CADM2: variants seen among roughly 807,000 people sequenced by gnomAD.
CADM2 encodes immunoglobulin superfamily member 4D.
CADM2 carries 12 observed loss-of-function variants against 49.8 expected under a neutral mutation model. That is an observed-to-expected ratio of 0.24 (90% CI 0.15 to 0.39). The LOEUF (loss-of-function observed/expected upper bound fraction) is 0.39, where lower values mean the gene tolerates loss of function less well. CADM2 is among the 10% of genes least tolerant of loss of function. The pLI, the probability that CADM2 is intolerant of heterozygous loss-of-function variation, is 1.00. For synonymous variants in CADM2, 214 were observed against 175.4 expected (o/e 1.22, Z -1.74); for missense variants, 378 against 492.3 (o/e 0.77, Z 2.20).
chr3:85,657,299 A>G (rs1430699322), intron 1 of CADM2, among the ~76,000 whole-genome samples: 1 of 152,182 alleles, frequency 6.6e-6, no homozygotes, highest in African/African-American at 2.4e-5. Context: ...TGTTGATTAC[A>G]TGAAGTAATA....
intron 3 of CADM2, among the ~76,000 whole-genome samples, chr3:85,881,969 G>C (rs1712859058): frequency 2.0e-5 from 3 of 152,142 alleles, no homozygotes; most frequent in African/African-American, 7.2e-5. Flanking sequence ...CTGCTGATCT[G>C]ACAGGAGGCA....
chr3:85,415,084 G>A (rs547096346), intron 1 of CADM2, among the ~76,000 whole-genome samples: 1 of 152,264 alleles, frequency 6.6e-6, no homozygotes, highest in African/African-American at 2.4e-5. Context: ...CTAAACCGCT[G>A]AGACTTTGCT....
chr3:85,561,406 C>T (rs1290517126), intron 1 of CADM2, among the ~76,000 whole-genome samples: 1 of 152,054 alleles, frequency 6.6e-6, no homozygotes, highest in Non-Finnish European at 1.5e-5. Flanking sequence ...TTTTGGATTC[C>T]TTGGAATAAA....
chr3:85,824,499 C>T (rs2073794129), intron 3 of CADM2, among the ~76,000 whole-genome samples: 1 of 151,958 alleles, frequency 6.6e-6, no homozygotes, highest in Admixed American at 6.6e-5. Context: ...ACTCTTTTGT[C>T]ACTGGGAGGT....
At chr3:86,057,236 T>G (rs1288581935) in intron 8 of CADM2, among the ~76,000 whole-genome samples, 2 of 152,198 alleles carry the variant, frequency 1.3e-5, no homozygotes, top group Non-Finnish European at 2.9e-5. Flanking sequence ...CCACAAGTTA[T>G]GTATAACTGT....
At position 85,240,477 on chromosome 3, in the gene CADM2, T is replaced by C. The variant is rs577435305; in HGVS notation, c.61+280809T>C. ...AATTAGACCAACATCAACAACATAT[T>C]CAATCATAATATATTATCAGACTAG... is the stretch of plus-strand genomic sequence containing the variant. On this transcript the variant is annotated intron_variant, in intron 1 of 9. Transcript: ENST00000383699. 7.9e-5 allele frequency among the ~76,000 whole-genome samples: 12 copies of C among 151,648 alleles called. No individual in the cohort carries two copies. In the East Asian group the frequency reaches 2.3e-3, roughly 29 times the overall value.
chr3:85,067,330 A>G (rs1169011561), intron 1 of CADM2, among the ~76,000 whole-genome samples: 1 of 151,936 alleles, frequency 6.6e-6, no homozygotes, highest in Admixed American at 6.6e-5. Flanking sequence ...AAGGCATTCT[A>G]AAGCTGTACT....
At chr3:85,430,360 T>C (rs2036603295) in intron 1 of CADM2, among the ~76,000 whole-genome samples, 1 of 151,958 alleles carries the variant, frequency 6.6e-6, no homozygotes, top group Non-Finnish European at 1.5e-5. Flanking sequence ...TATTGACTCA[T>C]GAAAGGAGGC....
intron 1 of CADM2, among the ~76,000 whole-genome samples, chr3:85,102,403 G>A (rs1370846816): frequency 6.6e-6 from 1 of 152,124 alleles, no homozygotes; most frequent in Non-Finnish European, 1.5e-5. Flanking sequence ...CAAGCACAGA[G>A]AGTATAGAAA....
chr3:85,410,699 C>A (rs2035617213), intron 1 of CADM2, among the ~76,000 whole-genome samples: 1 of 152,080 alleles, frequency 6.6e-6, no homozygotes, highest in African/African-American at 2.4e-5. Flanking sequence ...TGGCTAAAGG[C>A]AATTTGGAGT....
chr3:85,823,674 A>G (rs1193419726), intron 3 of CADM2, among the ~76,000 whole-genome samples: 1 of 152,172 alleles, frequency 6.6e-6, no homozygotes, highest in Non-Finnish European at 1.5e-5. Context: ...TTAATTTACG[A>G]GAGCTATTAA....
chr3:85,769,543 ATATACATATATGTATATATACACG>A (rs879316578), intron 2 of CADM2, among the ~76,000 whole-genome samples: 22,542 of 112,900 alleles, frequency 0.2, 5,598 homozygotes, highest in Non-Finnish European at 0.23. Flanking sequence ...ATATACACGT[ATATACATATATGTATATATACACG>A]TATATACATA....
chr3:85,974,929 T>C (rs1030525682), intron 8 of CADM2, among the ~76,000 whole-genome samples: 6 of 151,618 alleles, frequency 4.0e-5, no homozygotes, highest in African/African-American at 1.5e-4. Flanking sequence ...TCAAACTTTA[T>C]GTGTAGGCAA....
intron 7 of CADM2, among the ~76,000 whole-genome samples, chr3:85,954,385 A>G (rs1723795502): frequency 1.3e-5 from 2 of 151,096 alleles, no homozygotes; most frequent in Admixed American, 1.3e-4. Context: ...ACCCACAAGT[A>G]GTCCTTTTGT....
chr3:85,316,301 T>C (rs1359012225), intron 1 of CADM2, among the ~76,000 whole-genome samples: 2 of 152,170 alleles, frequency 1.3e-5, no homozygotes. Context: ...TAATTTTCAT[T>C]GTAGTATGTT....
intron 8 of CADM2, among the ~76,000 whole-genome samples, chr3:85,984,083 T>A (rs748249938): frequency 7.3e-5 from 11 of 149,682 alleles, no homozygotes; most frequent in Non-Finnish European, 1.6e-4. Context: ...CTCTGTATTA[T>A]GTTATATATG....
chr3:85,864,528 C>T (rs1458610445), intron 3 of CADM2, among the ~76,000 whole-genome samples: 1 of 152,166 alleles, frequency 6.6e-6, no homozygotes, highest in East Asian at 1.9e-4. Context: ...AGGCTGTCAG[C>T]TTAGCCTCTG....
intron 1 of CADM2, among the ~76,000 whole-genome samples, chr3:85,470,211 C>T (rs1044423642): frequency 6.6e-6 from 1 of 152,134 alleles, no homozygotes; most frequent in South Asian, 2.1e-4. Context: ...TGGATACAAA[C>T]AGTGTTTATA....
At chr3:85,122,343 T>C (rs1026659462) in intron 1 of CADM2, among the ~76,000 whole-genome samples, 1 of 152,134 alleles carries the variant, frequency 6.6e-6, no homozygotes, top group Non-Finnish European at 1.5e-5. Context: ...AGTGAGAATA[T>C]TCACTCAAGT....
Sources: gnomAD v4.1 joint callset for allele counts (sites outside exome capture counted in the v4.1 genomes callset) on GRCh38, gnomAD v4.1.1 for gene constraint, MANE v1.5 for transcripts, NCBI Gene and HGNC (gene_info 2026-07-23, HGNC 2026-07-21) for gene names.